MICAL3: variants seen among roughly 807,000 people sequenced by gnomAD.
MICAL3 encodes [F-actin]-monooxygenase MICAL3.
In MICAL3, 62 loss-of-function variants were observed where a neutral mutation model predicts 207.4. That is an observed-to-expected ratio of 0.30 (90% CI 0.24 to 0.37). The LOEUF (loss-of-function observed/expected upper bound fraction) is 0.37, where lower values mean the gene tolerates loss of function less well. MICAL3 is among the 10% of genes least tolerant of loss of function. The probability of loss-of-function intolerance (pLI) is 1.00; values close to 1 mark genes in which losing one functional copy is unlikely to be tolerated. For missense variants in MICAL3, 2,368 were observed against 2,635.6 expected (o/e 0.90, Z 2.22); for synonymous variants, 1,077 against 1,069.3 (o/e 1.01, Z -0.14).
At chr22:17,935,458 C>A (rs1298331198) in intron 1 of MICAL3, among the ~76,000 whole-genome samples, 1 of 152,148 alleles carries the variant, frequency 6.6e-6, no homozygotes, top group African/African-American at 2.4e-5. Context: ...AAATGTTAGA[C>A]CTAAAATCAT....
intron 1 of MICAL3, among the ~76,000 whole-genome samples, chr22:17,945,436 C>T (rs1350890866): frequency 1.3e-5 from 2 of 152,160 alleles, no homozygotes; most frequent in African/African-American, 4.8e-5. Flanking sequence ...AGCACCCCTG[C>T]ACAGGCCCTG....
At chr22:17,995,060 T>C (rs1410930176) in intron 1 of MICAL3, among the ~76,000 whole-genome samples, 3 of 152,206 alleles carry the variant, frequency 2.0e-5, no homozygotes, top group African/African-American at 4.8e-5. Context: ...AAAGATACTG[T>C]TGTCCTTGCC....
At chr22:17,849,839 T>C (rs1602050474) in intron 19 of MICAL3, among the ~76,000 whole-genome samples, 2 of 151,254 alleles carry the variant, frequency 1.3e-5, no homozygotes, top group Middle Eastern at 3.4e-3. Context: ...GGATTACAGG[T>C]GTGCGCCATC....
intron 1 of MICAL3, among the ~76,000 whole-genome samples, chr22:17,910,204 G>A (rs138692789): frequency 1.1e-4 from 16 of 152,202 alleles, no homozygotes; most frequent in Non-Finnish European, 1.8e-4. Context: ...AATCCTTCCC[G>A]TCATAGCGCC....
intron 1 of MICAL3, among the ~76,000 whole-genome samples, chr22:17,909,244 C>G (rs1331346779): frequency 6.6e-6 from 1 of 152,196 alleles, no homozygotes; most frequent in Non-Finnish European, 1.5e-5. Flanking sequence ...ATACTGCTGG[C>G]CCAGTGTGGT....
rs79241799 is a variant in MICAL3, at chr22:17,937,193, A to C, written c.-74-30307T>G. ...GCTTAAATGGTAAATTACCTGCTTT[A>C]TCTCTTTTGGCTTCTTTCCATCATT... On this transcript the variant is annotated intron_variant, in intron 1 of 31. Coordinates refer to ENST00000441493, the MANE Select transcript of MICAL3 (RefSeq NM_015241.3). Among the ~76,000 whole-genome samples the C allele has an allele frequency of 4.6e-3, 696 of 152,342 alleles. 4 individuals are homozygous for C. Among genetic ancestry groups the C allele is most frequent in the Non-Finnish European group, 7.2e-3 (491 of 68,030 alleles).
At chr22:17,905,562 G>A (rs1171293120) in intron 2 of MICAL3, among the ~76,000 whole-genome samples, 1 of 152,198 alleles carries the variant, frequency 6.6e-6, no homozygotes, top group Non-Finnish European at 1.5e-5. Context: ...TGCCTTTACA[G>A]TTCTTGAATT....
chr22:17,841,855 A>G lies in MICAL3; in HGVS notation c.2768T>C (p.Leu923Pro). ...TQAEHNLSSV[L>P]DTGAEEDVAS... ...GACGTCCTCCTCGGCGCCCGTGTCC[A>G]GCACGCTGCTCAGGTTGTGCTCGGC... Residue 923 changes from leucine (L) to proline (P), a missense_variant, in exon 20 of 32, where the codon CTG becomes CCG. This residue lies in a region of MICAL3 where 1,770 missense variants were observed against 1,863.2 expected (regional missense o/e 0.95). Transcript: ENST00000441493. The surrounding 1 kb of genome is among the most constrained non-coding windows in gnomAD (Gnocchi z 4.2). 1 of 1,565,662 alleles carries G rather than the reference A, an allele frequency of 6.4e-7. No homozygotes were observed. The highest frequency in any genetic ancestry group is 8.6e-7 in the Non-Finnish European group (1 of 1,158,336).
chr22:17,793,595 C>T lies in MICAL3; in HGVS notation c.5651-2294G>A, dbSNP rs766227793. 6 of 152,290 alleles carry T rather than the reference C, an allele frequency of 3.9e-5. No individual in the cohort carries two copies. Among genetic ancestry groups the T allele is most frequent in the Admixed American group, 1.3e-4 (2 of 15,278 alleles). 9.4% of individuals were successfully genotyped at this position (152,290 alleles called of 1,614,324 possible). On this transcript the variant is annotated intron_variant, in intron 29 of 31. Coordinates refer to ENST00000441493, the MANE Select transcript of MICAL3 (RefSeq NM_015241.3). This position sits in a 1 kb window ranked among gnomAD's most constrained non-coding sequence, Gnocchi z 4.1. ...TTTAGAAACTGCCACAGACTCATGA[C>T]ATTTTGTAACAGGACTATTGAGGGT...
At chr22:17,889,722 AC>A (rs551650517) in intron 12 of MICAL3, among the ~76,000 whole-genome samples, 82 of 152,258 alleles carry the variant, frequency 5.4e-4, no homozygotes, top group African/African-American at 1.9e-3. Flanking sequence ...CAGGAGAATC[AC>A]TTGAGCCCGC....
intron 1 of MICAL3, among the ~76,000 whole-genome samples, chr22:17,960,133 C>T (rs1354296132): frequency 2.0e-5 from 3 of 152,178 alleles, no homozygotes; most frequent in Non-Finnish European, 2.9e-5. Flanking sequence ...CCAGGCTGAG[C>T]GCGGCTGTGG....
chr22:17,831,458 C>T (rs569957653), intron 21 of MICAL3, among the ~76,000 whole-genome samples: 3 of 152,302 alleles, frequency 2.0e-5, no homozygotes, highest in African/African-American at 2.4e-5. Flanking sequence ...TAGCCACCTC[C>T]GAAACCCTAG....
At chr22:17,927,983 G>A (rs541997144) in intron 1 of MICAL3, among the ~76,000 whole-genome samples, 2 of 152,284 alleles carry the variant, frequency 1.3e-5, no homozygotes, top group East Asian at 3.9e-4. Context: ...TTTGGGGAGT[G>A]AATTAAAGGT....
chr22:17,802,721 A>T (rs1398415172), intron 29 of MICAL3, among the ~76,000 whole-genome samples: 2 of 152,112 alleles, frequency 1.3e-5, no homozygotes, highest in African/African-American at 4.8e-5. Flanking sequence ...GACCCTCTTA[A>T]AGGAATGGGG....
At chr22:17,995,248 C>T (rs1922139722) in intron 1 of MICAL3, among the ~76,000 whole-genome samples, 1 of 152,176 alleles carries the variant, frequency 6.6e-6, no homozygotes, top group Non-Finnish European at 1.5e-5. Context: ...GTGATTATAG[C>T]TCACTGCAGC....
Position 17,818,077 on chromosome 22 carries a change from GTCC to G in MICAL3, c.4581_4583del (p.Glu1527del). On this transcript the variant is annotated inframe_deletion, in exon 26 of 32. Transcript: ENST00000441493. The stretch of plus-strand genomic sequence containing the variant: ...AGTCCTCAGTCTTGTCGTCATAGGT[GTCC>G]TCCACATCATCAGCAAAGGGAATCT... The G allele has an allele frequency of 1.2e-6, 2 of 1,613,108 alleles. No individual in the cohort carries two copies. The highest frequency in any genetic ancestry group is 1.7e-6 in the Non-Finnish European group (2 of 1,179,754).
chr22:17,899,589 G>T (rs1271785479), intron 6 of MICAL3, 41 bp from the exon 7 acceptor site: 1 of 1,316,072 alleles, frequency 7.6e-7, no homozygotes, highest in Non-Finnish European at 1.1e-6. Context: ...AGTTTGCTGA[G>T]ATGAAGGTGC....
intron 20 of MICAL3, among the ~76,000 whole-genome samples, chr22:17,839,345 C>T (rs1207007100): frequency 3.4e-5 from 5 of 146,714 alleles, no homozygotes; most frequent in African/African-American, 1.0e-4. Context: ...CAACCTCTGC[C>T]TCCTGGGTTC....
intron 1 of MICAL3, among the ~76,000 whole-genome samples, chr22:17,987,896 G>A (rs1169529178): frequency 6.6e-6 from 1 of 152,206 alleles, no homozygotes; most frequent in African/African-American, 2.4e-5. Context: ...GGGAGTGCCT[G>A]CACTCCTCCT....
Sources: allele counts gnomAD v4.1 joint callset (sites outside exome capture counted in the v4.1 genomes callset), GRCh38; gene constraint gnomAD v4.1.1; regional missense constraint gnomAD v4.1.1; non-coding constraint Gnocchi (gnomAD v3.1); transcripts MANE v1.5; gene names NCBI Gene and HGNC (gene_info 2026-07-23, HGNC 2026-07-21).